The following MOB1B variants were observed in gnomAD, a reference collection of about 807,000 sequenced individuals.
MOB1B encodes the protein MOB kinase activator 1B.
MOB1B carries 19 observed loss-of-function variants against 24.4 expected under a neutral mutation model. The ratio of observed to expected loss-of-function variants is 0.78; its 90% CI spans 0.54 to 1.14. MOB1B has a LOEUF of 1.14. Among genes scored for constraint, MOB1B ranks in the 50% most tolerant of loss-of-function variants. The pLI is 0.00. For synonymous variants in MOB1B, 76 were observed against 82.1 expected (o/e 0.93, Z 0.40); for missense variants, 243 against 259.6 (o/e 0.94, Z 0.44).
Position 70,976,540 on chromosome 4 carries a change from C to T in MOB1B, c.409+1254C>T, listed in dbSNP as rs556442978. 5.0e-5 allele frequency: 49 copies of T among 984,886 alleles called. No individual in the cohort carries two copies. The South Asian group carries it at 2.1e-3, about 42-fold the overall frequency. 61.0% of individuals were successfully genotyped at this position (984,886 alleles called of 1,614,324 possible). Reference sequence around the variant, plus strand: ...TTACGTTTAGATAGTCATGTTTTTGCCTTCTCAAACTTCTGACAACTGATT... The same window carrying T: ...TTACGTTTAGATAGTCATGTTTTTGTCTTCTCAAACTTCTGACAACTGATT... On this transcript the variant is annotated intron_variant, in intron 4 of 5. Transcript: ENST00000309395.
intron 1 of MOB1B, among the ~76,000 whole-genome samples, chr4:70,951,877 A>G (rs1269954067): frequency 1.3e-5 from 2 of 152,234 alleles, no homozygotes; most frequent in Non-Finnish European, 2.9e-5. Flanking sequence ...AAACAAACAA[A>G]AAAACAAAGC....
intron 2 of MOB1B, among the ~76,000 whole-genome samples, chr4:70,964,112 A>G (rs1738420974): frequency 6.6e-6 from 1 of 152,236 alleles, no homozygotes. Context: ...TAACATCTCA[A>G]AAGTTTATTA....
chr4:70,912,727 A>G (rs1736042211), intron 1 of MOB1B, among the ~76,000 whole-genome samples: 1 of 152,198 alleles, frequency 6.6e-6, no homozygotes, highest in South Asian at 2.1e-4. Context: ...CCAGTCATGA[A>G]TCATGTATTG....
chr4:70,956,729 G>A (rs1206721631), intron 1 of MOB1B, among the ~76,000 whole-genome samples: 1 of 152,154 alleles, frequency 6.6e-6, no homozygotes, highest in African/African-American at 2.4e-5. Context: ...CCTGTGATGA[G>A]TGTTTTTAAA....
At chr4:70,962,746 C>T (rs189344715) in intron 2 of MOB1B, among the ~76,000 whole-genome samples, 1 of 152,130 alleles carries the variant, frequency 6.6e-6, no homozygotes, top group Non-Finnish European at 1.5e-5. Context: ...CGTCTGTAAT[C>T]CCAGCATTTT....
At chr4:70,908,788 A>G (rs1735861113) in intron 1 of MOB1B, among the ~76,000 whole-genome samples, 1 of 140,302 alleles carries the variant, frequency 7.1e-6, no homozygotes, top group South Asian at 2.3e-4. Flanking sequence ...AAAAAAAAAG[A>G]TTAGCAATTT....
chr4:70,928,512 G>A (rs1736746539), intron 1 of MOB1B, among the ~76,000 whole-genome samples: 1 of 151,962 alleles, frequency 6.6e-6, no homozygotes, highest in Admixed American at 6.6e-5. Flanking sequence ...GTTCAGGCTG[G>A]TCTCGAACTC....
intron 2 of MOB1B, among the ~76,000 whole-genome samples, chr4:70,965,372 GAA>G (rs977634070): frequency 1.4e-5 from 2 of 143,962 alleles, no homozygotes; most frequent in Admixed American, 1.4e-4. Flanking sequence ...GATTGATCAA[GAA>G]AAAAATATTT....
chr4:70,920,868 A>G (rs957779461), intron 1 of MOB1B, among the ~76,000 whole-genome samples: 1 of 152,192 alleles, frequency 6.6e-6, no homozygotes, highest in African/African-American at 2.4e-5. Context: ...TAAAATCCAA[A>G]AAGTTAGCTT....
At chr4:70,968,422 C>CTGCCCCA (rs1319601009) in intron 2 of MOB1B, among the ~76,000 whole-genome samples, 1 of 152,126 alleles carries the variant, frequency 6.6e-6, no homozygotes, top group Non-Finnish European at 1.5e-5. Flanking sequence ...AGCAATTCTC[C>CTGCCCCA]TGCCCCAGCC....
intron 1 of MOB1B, among the ~76,000 whole-genome samples, chr4:70,928,505 C>G (rs1736746170): frequency 1.3e-5 from 2 of 152,028 alleles, no homozygotes; most frequent in Non-Finnish European, 2.9e-5. Flanking sequence ...CCATGTTGTT[C>G]AGGCTGGTCT....
chr4:70,950,587 G>A lies in MOB1B; in HGVS notation c.15-8287G>A, dbSNP rs1344484782. The stretch of plus-strand genomic sequence containing the variant: ...ATAAAATAAAGAAAAATAATAGCTT[G>A]TATATCAGAGTTACTAGGATTAAAT... On this transcript the variant is annotated intron_variant, in intron 1 of 5. Transcript: ENST00000309395. The A allele has an allele frequency of 8.5e-6, 4 of 473,274 alleles. No homozygotes were observed. In the East Asian group the frequency reaches 1.4e-4, roughly 16 times the overall value. The allele number at this position is 473,274 out of a possible 1,614,324, so 29.3% of individuals were successfully genotyped here. A position where few individuals can be genotyped will look rare whatever the true frequency, so the allele number is the denominator to read the frequency against.
At chr4:70,902,599 G>GT in intron 1 of MOB1B, 49 bp downstream of exon 1, 5 of 1,498,036 alleles carry the variant, frequency 3.3e-6, no homozygotes, top group Non-Finnish European at 4.4e-6. Context: ...GTGGACCTGG[G>GT]CCCCCGCCCG....
chr4:70,952,671 CAA>C (rs1241028649), intron 1 of MOB1B, among the ~76,000 whole-genome samples: 1 of 137,846 alleles, frequency 7.3e-6, no homozygotes, highest in African/African-American at 2.7e-5. Flanking sequence ...AAAACAAAAA[CAA>C]AAAAAAAACT....
intron 1 of MOB1B, among the ~76,000 whole-genome samples, chr4:70,941,173 T>C: frequency 1.3e-5 from 2 of 152,004 alleles, no homozygotes; most frequent in Middle Eastern, 6.8e-3. Flanking sequence ...TTTTTTTTTT[T>C]TTCTTTTCTA....
intron 1 of MOB1B, among the ~76,000 whole-genome samples, chr4:70,954,710 TCC>T (rs1371458724): frequency 2.7e-5 from 4 of 149,194 alleles, no homozygotes; most frequent in Non-Finnish European, 1.5e-5. Flanking sequence ...CACCTCAACC[TCC>T]CAAAGTGCTG....
chr4:70,908,709 A>C (rs537617410), intron 1 of MOB1B, among the ~76,000 whole-genome samples: 5 of 150,090 alleles, frequency 3.3e-5, no homozygotes, highest in African/African-American at 1.2e-4. Flanking sequence ...CGTGAGGTGG[A>C]GGTTGCAGTG....
chr4:70,917,490 TG>T (rs1736240081), intron 1 of MOB1B, among the ~76,000 whole-genome samples: 1 of 152,202 alleles, frequency 6.6e-6, no homozygotes, highest in African/African-American at 2.4e-5. Context: ...AGGATTCAAA[TG>T]GGTGCACAGT....
chr4:70,971,499 T>G (rs1169770291), intron 3 of MOB1B, among the ~76,000 whole-genome samples: 1 of 145,922 alleles, frequency 6.9e-6, no homozygotes, highest in Non-Finnish European at 1.5e-5. Context: ...AGTGAGACTC[T>G]GTCTCAAAAA....
Sources: gnomAD v4.1 joint callset for allele counts (sites outside exome capture counted in the v4.1 genomes callset) on GRCh38, gnomAD v4.1.1 for gene constraint, MANE v1.5 for transcripts, NCBI Gene and HGNC (gene_info 2026-07-23, HGNC 2026-07-21) for gene names.